The following PDLIM7 variants were observed in gnomAD, a reference collection of about 807,000 sequenced individuals.
The protein encoded by PDLIM7 is PDZ and LIM domain 7.
A neutral mutation model predicts 53.9 loss-of-function variants in PDLIM7; 37 were observed. That is an observed-to-expected ratio of 0.69 (90% CI 0.53 to 0.90). PDLIM7 has a LOEUF of 0.90. Among genes scored for constraint, PDLIM7 ranks in the 40% least tolerant of loss-of-function variants. The pLI is 0.00. For synonymous variants in PDLIM7, 300 were observed against 261.3 expected (o/e 1.15, Z -1.43); for missense variants, 617 against 638.5 (o/e 0.97, Z 0.36).
chr5:177,488,718 C>G (rs761650443), intron 9 of PDLIM7, among the ~76,000 whole-genome samples: 4 of 152,184 alleles, frequency 2.6e-5, no homozygotes, highest in Non-Finnish European at 4.4e-5. Flanking sequence ...TGGTAAAACC[C>G]CGTCTCTACT....
intron 10 of PDLIM7, chr5:177,484,973 C>T: frequency 6.5e-6 from 1 of 152,940 alleles, no homozygotes; most frequent in East Asian, 1.9e-4. Context: ...TCACCCCCTT[C>T]AAGTTTCTGC....
At chr5:177,490,524 A>T (rs1758696755) in intron 7 of PDLIM7, 4 of 1,564,792 alleles carry the variant, frequency 2.6e-6, no homozygotes, top group Non-Finnish European at 3.5e-6. Flanking sequence ...GCACGTGGGC[A>T]GAGCGCTGGT....
chr5:177,486,673 C>CT lies in PDLIM7; in HGVS notation c.1050+1394dup, dbSNP rs1290373347. Among the ~76,000 whole-genome samples the CT allele has an allele frequency of 8.5e-5, 13 of 152,286 alleles. No homozygotes were observed. The East Asian group carries it at 1.7e-3, about 20-fold the overall frequency. On this transcript the variant is annotated intron_variant, in intron 10 of 12. Coordinates refer to ENST00000355841, the MANE Select transcript of PDLIM7 (RefSeq NM_005451.5). Reference sequence around the variant, plus strand: ...TTCTTTTTGAGACAAGAGTCTCGCTCTGTCGCCCAGGCTGGAGTGCAGTGG... The same window carrying CT: ...TTCTTTTTGAGACAAGAGTCTCGCTCTTGTCGCCCAGGCTGGAGTGCAGTGG...
At chr5:177,490,399 G>A (rs963213639) in intron 7 of PDLIM7, 5 of 1,490,066 alleles carry the variant, frequency 3.4e-6, no homozygotes, top group Non-Finnish European at 4.5e-6. Flanking sequence ...CGAAAGGGGG[G>A]GTGAGGTAGG....
chr5:177,486,718 A>C (rs1581752698), intron 10 of PDLIM7, among the ~76,000 whole-genome samples: 1 of 151,998 alleles, frequency 6.6e-6, no homozygotes, highest in African/African-American at 2.4e-5. Context: ...GGCTCACTGC[A>C]AGCTCTGCCT....
intron 7 of PDLIM7, chr5:177,490,512 G>A: frequency 6.4e-7 from 1 of 1,561,394 alleles, no homozygotes; most frequent in South Asian, 1.2e-5. Flanking sequence ...ACTGCACGTT[G>A]AGCACGTGGG....
chr5:177,483,754 A>G (rs755979335), intron 12 of PDLIM7, 24 bp from the exon 13 acceptor site: 7 of 1,600,280 alleles, frequency 4.4e-6, no homozygotes, highest in Admixed American at 1.7e-5. Flanking sequence ...AGGCCCAGTC[A>G]CATGGGGTTG....
At chr5:177,496,570 A>G (rs1759083695) in intron 1 of PDLIM7, 47 bp from the exon 2 acceptor site, 7 of 1,354,814 alleles carry the variant, frequency 5.2e-6, no homozygotes, top group South Asian at 1.4e-5. Flanking sequence ...GTGGGCGGGC[A>G]GGCAGGCAGG....
intron 5 of PDLIM7, chr5:177,491,555 C>T: frequency 1.3e-6 from 1 of 776,660 alleles, no homozygotes; most frequent in South Asian, 1.5e-5. Context: ...TGGCCCGACA[C>T]CACAACCCAA....
At position 177,484,077 on chromosome 5, in the gene PDLIM7, G is replaced by A. The variant is rs140100672; in HGVS notation, c.1164C>T (p.Cys388=). The change falls in exon 11 of 13, where the codon TGC becomes TGT. Residue 388 remains cysteine (C), a synonymous_variant. Coordinates refer to ENST00000355841, the MANE Select transcript of PDLIM7 (RefSeq NM_005451.5). ...TCACTGGCCAGTGGGTACCTCGCTC[G>A]CAATAGGGCACGCCCTCCTCCATGT... ...AFYMEEGVPY[C]ERDYEKMFGT... is the part of the protein sequence containing the mutation. 517 of 1,613,824 alleles carry A rather than the reference G, an allele frequency of 3.2e-4. No individual in the cohort carries two copies. The highest frequency in any genetic ancestry group is 3.8e-4 in the Non-Finnish European group (453 of 1,179,976).
intron 4 of PDLIM7, 96 bp downstream of exon 4, chr5:177,492,309 G>A: frequency 6.7e-7 from 1 of 1,488,278 alleles, no homozygotes; most frequent in Non-Finnish European, 9.1e-7. Flanking sequence ...CTCCCGGCCA[G>A]GGATTGGGGT....
At chr5:177,484,498 T>C in intron 10 of PDLIM7, 2 of 337,386 alleles carry the variant, frequency 5.9e-6, no homozygotes, top group Admixed American at 4.5e-5. Context: ...AAACACACCC[T>C]CCTCTCACAC....
In PDLIM7 at chr5:177,489,293, T is replaced by C. The variant is rs1292465571; in HGVS notation, c.869+100A>G. ...CTACTCCAGCTGAGAACTGAATCCTTATTCCCCCCAGTCGCAGCTGAGGCA... is the reference window on the plus strand; with the variant it reads ...CTACTCCAGCTGAGAACTGAATCCTCATTCCCCCCAGTCGCAGCTGAGGCA... On this transcript the variant is annotated intron_variant, in intron 9 of 12. Coordinates refer to ENST00000355841, the MANE Select transcript of PDLIM7 (RefSeq NM_005451.5). 9.8e-6 allele frequency: 9 copies of C among 918,676 alleles called. No homozygotes were observed. The Admixed American group carries it at 1.6e-4, about 17-fold the overall frequency. The allele number at this position is 918,676 out of a possible 1,614,324, so 56.9% of individuals were successfully genotyped here.
chr5:177,497,109 C>T (rs935075816), intron 1 of PDLIM7, among the ~76,000 whole-genome samples: 2 of 150,804 alleles, frequency 1.3e-5, no homozygotes, highest in Non-Finnish European at 3.0e-5. Context: ...GGAGCCAGGG[C>T]GGGACCCCTG....
At chr5:177,492,382 G>C (rs781400358) in intron 4 of PDLIM7, 23 bp downstream of exon 4, 4 of 1,611,968 alleles carry the variant, frequency 2.5e-6, no homozygotes, top group African/African-American at 2.7e-5. Context: ...CCCACCGCCC[G>C]GATGTCCCGG....
At position 177,483,620 on chromosome 5, in the gene PDLIM7, G is replaced by A. The variant is rs183812150; in HGVS notation, c.*24C>T. 1.4e-4 allele frequency: 222 copies of A among 1,563,394 alleles called. No homozygotes were observed. The East Asian group carries it at 2.8e-3, about 20-fold the overall frequency. Reference sequence around the variant, plus strand: ...CAGGCCCCTCAGGCTAGGGGCCACCGCGGCAGCTGTGGGCAGAAGGGGCTC... The same window carrying A: ...CAGGCCCCTCAGGCTAGGGGCCACCACGGCAGCTGTGGGCAGAAGGGGCTC... On this transcript the variant is annotated 3_prime_UTR_variant, in exon 13 of 13. Coordinates refer to ENST00000355841, the MANE Select transcript of PDLIM7 (RefSeq NM_005451.5).
In PDLIM7 at chr5:177,497,586, C is replaced by G. The variant is rs1759162042; in HGVS notation, c.-70G>C. 1 of 152,280 alleles carries G rather than the reference C, an allele frequency of 6.6e-6. No individual in the cohort carries two copies. The highest frequency in any genetic ancestry group is 2.1e-4 in the South Asian group (1 of 4,838). 9.4% of individuals were successfully genotyped at this position (152,280 alleles called of 1,614,324 possible). ...GGGCTCCAGGGAGCCTCGTTGGGAT[C>G]GGCCGCCAGTGTTCTGACCCCGCCC... On this transcript the variant is annotated 5_prime_UTR_variant, in exon 1 of 13. Transcript: ENST00000355841.
chr5:177,484,632 TAAC>T (rs934064220), intron 10 of PDLIM7, among the ~76,000 whole-genome samples: 9 of 152,230 alleles, frequency 5.9e-5, no homozygotes, highest in East Asian at 1.9e-4. Flanking sequence ...TGGGACCACA[TAAC>T]AACTGGCCTA....
rs375469091 is a variant in PDLIM7, at chr5:177,496,875, C to T, written c.-11-352G>A. 12 of 168,420 alleles carry T rather than the reference C, an allele frequency of 7.1e-5. No homozygotes were observed. The East Asian group carries it at 1.8e-3, about 26-fold the overall frequency. 10.4% of individuals were successfully genotyped at this position (168,420 alleles called of 1,614,324 possible). Reference sequence around the variant, plus strand: ...TCGGGCGGCCGGGTGAGTCAGGGGCCGGCTCTCCTCTCCCCCGCCCCCAGG... The same window carrying T: ...TCGGGCGGCCGGGTGAGTCAGGGGCTGGCTCTCCTCTCCCCCGCCCCCAGG... On this transcript the variant is annotated intron_variant, in intron 1 of 12. Transcript: ENST00000355841.
Sources: gnomAD v4.1 joint callset for allele counts (sites outside exome capture counted in the v4.1 genomes callset) on GRCh38, gnomAD v4.1.1 for gene constraint, MANE v1.5 for transcripts, NCBI Gene and HGNC (gene_info 2026-07-23, HGNC 2026-07-21) for gene names.